CNBD1: variants seen among roughly 807,000 people sequenced by gnomAD.
The protein encoded by CNBD1 is cyclic nucleotide binding domain containing 1, also known as cyclic nucleotide-binding domain-containing protein 1.
Under a neutral mutation model 54.4 loss-of-function variants are expected in CNBD1, and 71 were observed. The ratio of observed to expected loss-of-function variants is 1.30; its 90% CI spans 1.08 to 1.59. The LOEUF (loss-of-function observed/expected upper bound fraction) is 1.59, where lower values mean the gene tolerates loss of function less well. Ranked by LOEUF, CNBD1 falls within the 40% of genes most tolerant of loss-of-function variation. The pLI is 0.00. For missense variants in CNBD1, 659 were observed against 518.0 expected (o/e 1.27, Z -2.64); for synonymous variants, 182 against 170.7 (o/e 1.07, Z -0.51).
At chr8:86,876,969 G>A (rs1324642662) in intron 1 of CNBD1, among the ~76,000 whole-genome samples, 2 of 152,042 alleles carry the variant, frequency 1.3e-5, no homozygotes, top group East Asian at 3.9e-4. Flanking sequence ...ATGTTTAATA[G>A]TTTGATTCTA....
chr8:87,355,974 G>A (rs1458077741), intron 10 of CNBD1, among the ~76,000 whole-genome samples: 1 of 151,986 alleles, frequency 6.6e-6, no homozygotes, highest in African/African-American at 2.4e-5. Flanking sequence ...CTCTTTAAAA[G>A]TGTCTGGCAT....
Position 87,286,684 on chromosome 8 carries a change from C to T in CNBD1, c.1042+13C>T. ...CCTCCAGGTCATGGTAAGTTTAATG[C>T]AATTTAGATCATTTTGTTTGCATTC... On this transcript the variant is annotated intron_variant, in intron 8 of 10. Transcript: ENST00000518476. The T allele has an allele frequency of 6.6e-7, 1 of 1,521,030 alleles. No individual in the cohort carries two copies. Among genetic ancestry groups the T allele is most frequent in the South Asian group, 1.2e-5 (1 of 80,492 alleles). 94.2% of individuals were successfully genotyped at this position (1,521,030 alleles called of 1,614,324 possible).
At chr8:87,254,433 T>A (rs1807971345) in intron 6 of CNBD1, among the ~76,000 whole-genome samples, 1 of 152,220 alleles carries the variant, frequency 6.6e-6, no homozygotes, top group South Asian at 2.1e-4. Flanking sequence ...ATAAGTATTA[T>A]AACATGATTA....
chr8:86,893,297 G>C (rs548754935), intron 2 of CNBD1, among the ~76,000 whole-genome samples: 1 of 152,342 alleles, frequency 6.6e-6, no homozygotes, highest in East Asian at 1.9e-4. Context: ...ACCTAGGGCA[G>C]TACCTTCACT....
chr8:87,260,148 G>A (rs1364222355), intron 6 of CNBD1, among the ~76,000 whole-genome samples: 2 of 152,166 alleles, frequency 1.3e-5, no homozygotes, highest in African/African-American at 4.8e-5. Flanking sequence ...GGAGTCTGTA[G>A]TAGTTAATTT....
intron 4 of CNBD1, among the ~76,000 whole-genome samples, chr8:87,185,175 G>A (rs892333372): frequency 2.0e-5 from 3 of 152,126 alleles, no homozygotes; most frequent in Non-Finnish European, 4.4e-5. Context: ...CAAAAAGAAT[G>A]TATATTCTGC....
intron 4 of CNBD1, among the ~76,000 whole-genome samples, chr8:87,055,569 G>A (rs1170285257): frequency 6.6e-6 from 1 of 152,048 alleles, no homozygotes; most frequent in Non-Finnish European, 1.5e-5. Flanking sequence ...TGCCTGCCTG[G>A]CCTGCTTATC....
intron 3 of CNBD1, among the ~76,000 whole-genome samples, chr8:86,928,917 A>G (rs1257673563): frequency 6.6e-6 from 1 of 152,160 alleles, no homozygotes; most frequent in Non-Finnish European, 1.5e-5. Context: ...TTTGGGTATG[A>G]GTACCTTACT....
intron 1 of CNBD1, among the ~76,000 whole-genome samples, chr8:86,869,187 C>G (rs1808406500): frequency 6.6e-6 from 1 of 152,100 alleles, no homozygotes; most frequent in Admixed American, 6.5e-5. Flanking sequence ...TTTTTTTAAG[C>G]CACTAAGGCA....
chr8:86,961,188 G>A (rs1438500508), intron 4 of CNBD1, among the ~76,000 whole-genome samples: 1 of 152,198 alleles, frequency 6.6e-6, no homozygotes, highest in East Asian at 1.9e-4. Context: ...AGATCCAATA[G>A]CTTGGAACCC....
chr8:87,272,454 T>C (rs1044075419), intron 6 of CNBD1, among the ~76,000 whole-genome samples: 2 of 152,026 alleles, frequency 1.3e-5, no homozygotes, highest in African/African-American at 2.4e-5. Context: ...CTTATTCAAC[T>C]GAATCTTCTT....
intron 2 of CNBD1, among the ~76,000 whole-genome samples, chr8:87,413,178 A>G (rs113377534): frequency 0.018 from 2,761 of 152,122 alleles, 82 homozygotes; most frequent in African/African-American, 0.06. Context: ...GGATGAGGCT[A>G]TGACACAGGG....
chr8:87,380,436 C>G (rs79737916), intron 10 of CNBD1, among the ~76,000 whole-genome samples: 2,876 of 151,930 alleles, frequency 0.019, 94 homozygotes, highest in African/African-American at 0.063. Flanking sequence ...AAGGTATTTT[C>G]AAAGCAGGTG....
At position 87,182,176 on chromosome 8, in the gene CNBD1, T is replaced by C. The variant is rs1813365858; in HGVS notation, c.432-23817T>C. The stretch of plus-strand genomic sequence containing the variant: ...GATTTCTGATCCTATGTTAGTTCAC[T>C]TAGGATAATGGCCTTCACCTATATC... On this transcript the variant is annotated intron_variant, in intron 4 of 10. Coordinates refer to ENST00000518476, the MANE Select transcript of CNBD1 (RefSeq NM_173538.3). This position sits in a 1 kb window ranked among gnomAD's most constrained non-coding sequence, Gnocchi z 4.1. 6.6e-6 allele frequency among the ~76,000 whole-genome samples: 1 copy of C among 152,204 alleles called. No individual in the cohort carries two copies. Among genetic ancestry groups the C allele is most frequent in the Non-Finnish European group, 1.5e-5 (1 of 68,030 alleles).
chr8:87,080,980 C>A (rs1810978761), intron 4 of CNBD1, among the ~76,000 whole-genome samples: 1 of 141,798 alleles, frequency 7.1e-6, no homozygotes, highest in East Asian at 2.0e-4. Flanking sequence ...ATCTTTCACC[C>A]ATTTTTTTTT....
At chr8:86,994,341 A>G (rs1165678365) in intron 4 of CNBD1, among the ~76,000 whole-genome samples, 1 of 152,242 alleles carries the variant, frequency 6.6e-6, no homozygotes, top group Non-Finnish European at 1.5e-5. Context: ...AGGCCCTGGT[A>G]GGGACTGGTG....
chr8:87,424,146 AT>A (rs755376452), intron 2 of CNBD1, among the ~76,000 whole-genome samples: 16 of 151,640 alleles, frequency 1.1e-4, no homozygotes, highest in Non-Finnish European at 2.1e-4. Flanking sequence ...TTTTTATTGC[AT>A]CTATTTGACT....
At chr8:87,206,324 A>G (rs1813975182) in intron 5 of CNBD1, among the ~76,000 whole-genome samples, 186 bp downstream of exon 5, 3 of 152,196 alleles carry the variant, frequency 2.0e-5, no homozygotes, top group Admixed American at 6.6e-5. Flanking sequence ...ACATTTTAGT[A>G]CTTAGAGTTT....
intron 3 of CNBD1, among the ~76,000 whole-genome samples, chr8:86,926,008 C>G (rs1008098225): frequency 1.3e-5 from 2 of 152,100 alleles, no homozygotes; most frequent in Non-Finnish European, 2.9e-5. Flanking sequence ...CTTTTATTCC[C>G]TTATTGTCCC....
Sources: gnomAD v4.1 joint callset for allele counts (sites outside exome capture counted in the v4.1 genomes callset) on GRCh38, gnomAD v4.1.1 for gene constraint, Gnocchi (gnomAD v3.1) non-coding constraint, MANE v1.5 for transcripts, NCBI Gene and HGNC (gene_info 2026-07-23, HGNC 2026-07-21) for gene names.